PTPRM: variants seen among roughly 807,000 people sequenced by gnomAD.
The protein encoded by PTPRM is receptor-type tyrosine-protein phosphatase mu.
PTPRM carries 47 observed loss-of-function variants against 186.7 expected under a neutral mutation model. That is an observed-to-expected ratio of 0.25 (90% confidence interval 0.20 to 0.32). The LOEUF is 0.32. Among genes scored for constraint, PTPRM ranks in the 10% least tolerant of loss-of-function variants. PTPRM has a pLI of 1.00. For missense variants in PTPRM, 1,494 were observed against 1,865.0 expected, an observed-to-expected ratio of 0.80 and a Z score of 3.66; for synonymous variants, 668 against 674.9, an observed-to-expected ratio of 0.99 and a Z score of 0.16.
At chr18:8,199,330 C>T (rs1369143297) in intron 14 of PTPRM, among the ~76,000 whole-genome samples, 1 of 152,168 alleles carries the variant, frequency 6.6e-6, no homozygotes, top group Non-Finnish European at 1.5e-5. Context: ...CACAGCCAGG[C>T]ACTGTGACGC....
chr18:8,020,113 C>T (rs879303720), intron 7 of PTPRM, among the ~76,000 whole-genome samples: 1 of 152,106 alleles, frequency 6.6e-6, no homozygotes, highest in Non-Finnish European at 1.5e-5. Context: ...TGCATTAATG[C>T]TCCTTAGCTA....
intron 1 of PTPRM, among the ~76,000 whole-genome samples, chr18:7,675,943 G>A (rs2039325745): frequency 6.6e-6 from 1 of 152,008 alleles, no homozygotes; most frequent in African/African-American, 2.4e-5. Flanking sequence ...CACTGTGTTG[G>A]CCAGGTTGGT....
chr18:8,190,354 T>C (rs1254417589), intron 14 of PTPRM, among the ~76,000 whole-genome samples: 2 of 152,356 alleles, frequency 1.3e-5, no homozygotes, highest in East Asian at 3.9e-4. Context: ...TCCACATATA[T>C]GTGAGGTCAT....
intron 23 of PTPRM, among the ~76,000 whole-genome samples, chr18:8,368,672 A>T (rs1268032720): frequency 6.6e-6 from 1 of 152,190 alleles, no homozygotes; most frequent in Non-Finnish European, 1.5e-5. Context: ...TCATGGGGGA[A>T]CATCAGTGCA....
At chr18:7,716,604 C>G (rs60773019) in intron 1 of PTPRM, among the ~76,000 whole-genome samples, 2 of 152,170 alleles carry the variant, frequency 1.3e-5, no homozygotes, top group East Asian at 1.9e-4. Context: ...GGGCTAATAT[C>G]TAGAATCTGC....
chr18:8,392,083 A>G (rs368489766), intron 31 of PTPRM, among the ~76,000 whole-genome samples: 19 of 152,320 alleles, frequency 1.2e-4, no homozygotes, highest in African/African-American at 4.6e-4. Context: ...AAGAGAGAGC[A>G]AAGAGGAACT....
At chr18:7,956,396 T>A (rs1478895832) in intron 7 of PTPRM, among the ~76,000 whole-genome samples, 2 of 152,254 alleles carry the variant, frequency 1.3e-5, no homozygotes, top group Non-Finnish European at 2.9e-5. Flanking sequence ...CTTCATAATT[T>A]GTATTATACT....
chr18:7,933,955 A>G (rs74536610), intron 5 of PTPRM, among the ~76,000 whole-genome samples: 3,339 of 152,278 alleles, frequency 0.022, 123 homozygotes, highest in African/African-American at 0.077. Flanking sequence ...CATCTTTCCT[A>G]AATCTTCATT....
intron 11 of PTPRM, among the ~76,000 whole-genome samples, chr18:8,100,822 CT>C (rs368828372): frequency 6.6e-4 from 101 of 152,286 alleles, no homozygotes; most frequent in African/African-American, 2.2e-3. Flanking sequence ...GACTAGATTG[CT>C]ATTCAGTCTT....
At position 7,689,403 on chromosome 18, in the gene PTPRM, C is replaced by T. The variant is rs116660641; in HGVS notation, c.74-84746C>T. Among the ~76,000 whole-genome samples the T allele has an allele frequency of 4.2e-3, 634 of 152,298 alleles. 5 individuals are homozygous for T. The highest frequency in any genetic ancestry group is 0.014 in the African/African-American group (592 of 41,566). ...GAGCCACAGTAGCAATGCCCTCCCT[C>T]GGCCCACCCCATGTCTCTTTGAGGT... is the stretch of plus-strand genomic sequence containing the variant. On this transcript the variant is annotated intron_variant, in intron 1 of 32. Coordinates refer to ENST00000580170, the MANE Select transcript of PTPRM (RefSeq NM_001105244.2).
At chr18:7,774,002 G>A (rs574337474) in intron 1 of PTPRM, 147 bp from the exon 2 acceptor site, 5 of 720,432 alleles carry the variant, frequency 6.9e-6, no homozygotes, top group Non-Finnish European at 1.1e-5. Flanking sequence ...ACTAAGTGTT[G>A]GATGCACAGC....
At chr18:8,215,058 C>T (rs2094060861) in intron 14 of PTPRM, among the ~76,000 whole-genome samples, 1 of 152,136 alleles carries the variant, frequency 6.6e-6, no homozygotes, top group Admixed American at 6.5e-5. Flanking sequence ...TAAAATATAA[C>T]AGTCATACTT....
intron 22 of PTPRM, among the ~76,000 whole-genome samples, chr18:8,339,434 A>C (rs2095460805): frequency 6.6e-6 from 1 of 152,198 alleles, no homozygotes; most frequent in Non-Finnish European, 1.5e-5. Context: ...CAGCAATTGC[A>C]GTGGCTCCCC....
At chr18:8,133,160 C>T (rs1302378584) in intron 13 of PTPRM, among the ~76,000 whole-genome samples, 2 of 152,084 alleles carry the variant, frequency 1.3e-5, no homozygotes, top group Non-Finnish European at 2.9e-5. Flanking sequence ...GAACTCTGAC[C>T]TCATGACTTA....
chr18:8,042,323 A>G (rs1030378113), intron 7 of PTPRM, among the ~76,000 whole-genome samples: 2 of 152,178 alleles, frequency 1.3e-5, no homozygotes, highest in Non-Finnish European at 2.9e-5. Context: ...CTAAAAACGT[A>G]TTTATCTTCT....
chr18:8,320,748 T>C (rs1308221049), intron 22 of PTPRM, among the ~76,000 whole-genome samples: 1 of 152,158 alleles, frequency 6.6e-6, no homozygotes, highest in Non-Finnish European at 1.5e-5. Flanking sequence ...ACATCACCAC[T>C]AGGTTACTCT....
At chr18:8,234,811 G>T (rs370758362) in intron 14 of PTPRM, among the ~76,000 whole-genome samples, 158 of 152,088 alleles carry the variant, frequency 1.0e-3, no homozygotes, top group African/African-American at 3.4e-3. Flanking sequence ...ATTGGATTTT[G>T]TCAACTCTTT....
chr18:8,048,582 T>C (rs2087235662), intron 7 of PTPRM, among the ~76,000 whole-genome samples: 1 of 150,636 alleles, frequency 6.6e-6, no homozygotes, highest in Admixed American at 6.6e-5. Flanking sequence ...AGGAAGTCTT[T>C]TTTAAAAAAA....
intron 5 of PTPRM, among the ~76,000 whole-genome samples, chr18:7,928,404 C>T (rs2051296610): frequency 6.6e-6 from 1 of 152,124 alleles, no homozygotes; most frequent in Non-Finnish European, 1.5e-5. Flanking sequence ...TAACCTACAT[C>T]CCAATTGTTT....
Sources: allele counts gnomAD v4.1 joint callset (sites outside exome capture counted in the v4.1 genomes callset), GRCh38; gene constraint gnomAD v4.1.1; transcripts MANE v1.5; gene names NCBI Gene and HGNC (gene_info 2026-07-23, HGNC 2026-07-21).